ZMYM4: variants seen among roughly 807,000 people sequenced by gnomAD.
The protein encoded by ZMYM4 is zinc finger MYM-type containing 4.
A neutral mutation model predicts 183.2 loss-of-function variants in ZMYM4; 31 were observed. The ratio of observed to expected loss-of-function variants is 0.17; its 90% confidence interval spans 0.13 to 0.23. ZMYM4 has a LOEUF of 0.23. ZMYM4 is among the 10% of genes least tolerant of loss of function. The probability of loss-of-function intolerance (pLI) is 1.00; values close to 1 mark genes in which losing one functional copy is unlikely to be tolerated. For synonymous variants in ZMYM4, 592 were observed against 631.2 expected, an observed-to-expected ratio of 0.94 and a Z score of 0.93; for missense variants, 1,273 against 1,840.3, an observed-to-expected ratio of 0.69 and a Z score of 5.64.
At chr1:35,397,146 C>T in intron 19 of ZMYM4, 1 of 1,105,212 alleles carries the variant, frequency 9.0e-7, no homozygotes. Flanking sequence ...TAGAATTATT[C>T]TTTTAGAGGA....
At chr1:35,322,487 A>G (rs889039734) in intron 1 of ZMYM4, among the ~76,000 whole-genome samples, 3 of 151,910 alleles carry the variant, frequency 2.0e-5, no homozygotes, top group African/African-American at 4.8e-5. Flanking sequence ...TTGTGATCCA[A>G]ATTTTTTCAC....
Position 35,392,287 on chromosome 1 carries a change from A to G in ZMYM4, c.2663A>G (p.Asn888Ser), listed in dbSNP as rs771987535. ...AAAGATTCGACTCCAGTTATAGCCA[A>G]TGTAGTATCATTGGCAAGTGCCCCT... ...LRKDSTPVIA[N>S]VVSLASAPAA... The change falls in exon 16 of 30, where the codon AAT (asparagine) becomes AGT (serine). Residue 888 changes from asparagine (N) to serine (S), a missense_variant. Asn to Ser is a conservative substitution (Grantham distance 46, BLOSUM62 1). This residue lies in a region of ZMYM4 where 290 missense variants were observed against 353.3 expected (regional missense o/e 0.82). Transcript: ENST00000314607. 3 of 1,614,068 alleles carry G rather than the reference A, an allele frequency of 1.9e-6. No homozygotes were observed. Among genetic ancestry groups the G allele is most frequent in the African/African-American group, 2.7e-5 (2 of 74,918 alleles).
intron 1 of ZMYM4, among the ~76,000 whole-genome samples, chr1:35,310,702 C>T (rs1161686204): frequency 6.6e-6 from 1 of 152,022 alleles, no homozygotes; most frequent in Non-Finnish European, 1.5e-5. Flanking sequence ...CTTCAGCCTC[C>T]CGAGTAGCTG....
In ZMYM4 at chr1:35,309,803, A is replaced by G. The variant is rs922966391; in HGVS notation, c.40-15557A>G. On this transcript the variant is annotated intron_variant, in intron 1 of 29. Coordinates refer to ENST00000314607, the MANE Select transcript of ZMYM4 (RefSeq NM_005095.3). ...TGTCTTAAAAAAAAACCCACAAAAA[A>G]ACTACTTTAGAATATTCTGATTTAT... Among the ~76,000 whole-genome samples, 5 of 152,056 alleles carry G rather than the reference A, an allele frequency of 3.3e-5. No individual in the cohort carries two copies. In the East Asian group the frequency reaches 9.6e-4, roughly 29 times the overall value.
At chr1:35,331,400 GAACTA>G (rs901300226) in intron 2 of ZMYM4, among the ~76,000 whole-genome samples, 1 of 152,118 alleles carries the variant, frequency 6.6e-6, no homozygotes, top group Non-Finnish European at 1.5e-5. Context: ...TGAATAAACT[GAACTA>G]AACTGATTTT....
In ZMYM4 at chr1:35,367,835, G is replaced by A. The variant is rs189530001; in HGVS notation, c.841-2194G>A. On this transcript the variant is annotated intron_variant, in intron 5 of 29. Transcript: ENST00000314607. ...TACTAAAAATACAAAAATTAGCCGG[G>A]TGTGGTGGCAGGCACCTGTAATCTC... Among the ~76,000 whole-genome samples the A allele has an allele frequency of 5.1e-3, 777 of 152,144 alleles. 6 individuals carry two copies. The highest frequency in any genetic ancestry group is 7.2e-3 in the Non-Finnish European group (489 of 68,002).
intron 11 of ZMYM4, 33 bp downstream of exon 11, chr1:35,386,222 CAGTG>C (rs745693612): frequency 3.4e-6 from 5 of 1,475,040 alleles, no homozygotes; most frequent in Middle Eastern, 1.7e-4. Context: ...CTTCTTCAGT[CAGTG>C]AGTCACCTAC....
intron 1 of ZMYM4, chr1:35,308,878 G>A: frequency 1.4e-6 from 1 of 720,814 alleles, no homozygotes; most frequent in Non-Finnish European, 1.7e-6. Flanking sequence ...AAAAGAAAGT[G>A]GATGATAAAA....
chr1:35,371,185 G>A (rs1406265811), intron 7 of ZMYM4, among the ~76,000 whole-genome samples: 2 of 150,050 alleles, frequency 1.3e-5, no homozygotes, highest in African/African-American at 4.9e-5. Context: ...GTGTGATCTC[G>A]GCTCACTGCA....
At chr1:35,352,736 A>G (rs990040829) in intron 2 of ZMYM4, among the ~76,000 whole-genome samples, 1 of 152,072 alleles carries the variant, frequency 6.6e-6, no homozygotes, top group Non-Finnish European at 1.5e-5. Context: ...CTACTCTATT[A>G]GCTGTTCCTT....
At chr1:35,388,827 C>G in intron 13 of ZMYM4, 83 bp from the exon 14 acceptor site, 1 of 1,306,034 alleles carries the variant, frequency 7.7e-7, no homozygotes, top group South Asian at 1.2e-5. Context: ...TGAGCCACTG[C>G]ACCGGGCCTG....
chr1:35,310,968 A>T (rs902390880), intron 1 of ZMYM4, among the ~76,000 whole-genome samples: 1 of 152,126 alleles, frequency 6.6e-6, no homozygotes, highest in African/African-American at 2.4e-5. Flanking sequence ...TTTTAAACAC[A>T]CACATAGATT....
intron 2 of ZMYM4, chr1:35,351,344 C>T (rs935455379): frequency 2.4e-5 from 38 of 1,565,352 alleles, no homozygotes; most frequent in Non-Finnish European, 3.2e-5. Context: ...ATTACATGCA[C>T]TACTTAATGA....
chr1:35,407,052 G>GAATA (rs564612511), intron 25 of ZMYM4, among the ~76,000 whole-genome samples: 92 of 152,226 alleles, frequency 6.0e-4, no homozygotes, highest in South Asian at 1.0e-3. Flanking sequence ...CTAGCAAAGG[G>GAATA]AATACTGTAT....
Position 35,370,365 on chromosome 1 carries a change from T to A in ZMYM4, c.926-7T>A. Reference sequence around the variant, plus strand: ...TTTTTTTTTTTTTTTTTTTTTTTTTTTTAAAGCTCCACAGTTGACTACTGG... The same window carrying A: ...TTTTTTTTTTTTTTTTTTTTTTTTTATTAAAGCTCCACAGTTGACTACTGG... On this transcript the variant is annotated splice_region_variant and splice_polypyrimidine_tract_variant and intron_variant, in intron 6 of 29. Transcript: ENST00000314607. 5 of 1,432,316 alleles carry A rather than the reference T, an allele frequency of 3.5e-6. No individual in the cohort carries two copies. Among genetic ancestry groups the A allele is most frequent in the Non-Finnish European group, 4.6e-6 (5 of 1,092,702 alleles). The allele number at this position is 1,432,316 out of a possible 1,614,324, so 88.7% of individuals were successfully genotyped here.
intron 9 of ZMYM4, among the ~76,000 whole-genome samples, chr1:35,383,738 T>G (rs1396571235): frequency 6.6e-6 from 1 of 152,178 alleles, no homozygotes; most frequent in African/African-American, 2.4e-5. Flanking sequence ...TACTTTTAAT[T>G]TAGTCAAAAC....
chr1:35,343,315 C>T (rs1643273131), intron 2 of ZMYM4, among the ~76,000 whole-genome samples: 1 of 151,982 alleles, frequency 6.6e-6, no homozygotes, highest in Non-Finnish European at 1.5e-5. Context: ...TTAGGCTTAG[C>T]TTTTATGCTT....
At chr1:35,386,931 T>C (rs1570497139) in intron 11 of ZMYM4, 72 bp from the exon 12 acceptor site, 2 of 1,495,968 alleles carry the variant, frequency 1.3e-6, no homozygotes, top group Non-Finnish European at 1.8e-6. Flanking sequence ...GTGCTTGGCA[T>C]ATGTAGGCAC....
At chr1:35,323,701 C>T (rs1642386739) in intron 1 of ZMYM4, among the ~76,000 whole-genome samples, 1 of 151,976 alleles carries the variant, frequency 6.6e-6, no homozygotes, top group Admixed American at 6.6e-5. Flanking sequence ...TACAGGCGCC[C>T]ACCACCATGT....
Sources: allele counts gnomAD v4.1 joint callset (sites outside exome capture counted in the v4.1 genomes callset), GRCh38; gene constraint gnomAD v4.1.1; regional missense constraint gnomAD v4.1.1; transcripts MANE v1.5; gene names NCBI Gene and HGNC (gene_info 2026-07-23, HGNC 2026-07-21).